OR2C1: variants seen among roughly 807,000 people sequenced by gnomAD.
OR2C1 encodes the protein olfactory receptor 2C1.
For missense variants in OR2C1, 468 were observed against 388.3 expected (o/e 1.21, Z -1.73); for synonymous variants, 209 against 167.3 (o/e 1.25, Z -1.92).
chr16:3,337,956 G>A, the OR2C1 span, among the ~76,000 whole-genome samples: 1 of 152,120 alleles, frequency 6.6e-6, no homozygotes, highest in African/African-American at 2.4e-5. Flanking sequence ...CTCCCCACAA[G>A]CTGCCCCCAA....
At chr16:3,340,185 G>A in the OR2C1 span, among the ~76,000 whole-genome samples, 867 of 151,990 alleles carry the variant, frequency 5.7e-3, 6 homozygotes, top group African/African-American at 0.019. Flanking sequence ...AGGCTGAGGT[G>A]GGAGAATTGC....
chr16:3,356,121 T>C lies in OR2C1; in HGVS notation c.181T>C (p.Phe61Leu). ...GGCCCGGCTCCATACACCCATGTAC[T>C]TCTTCCTCAGCAACCTCTCCTCCTT... ...LEARLHTPMY[F>L]FLSNLSSLDL... Residue 61 changes from phenylalanine to leucine, a missense_variant, in exon 1 of 1, where the codon TTC becomes CTC. Transcript: ENST00000304936. 6.2e-7 allele frequency: 1 copy of C among 1,614,194 alleles called. No individual in the cohort carries two copies. The highest frequency in any genetic ancestry group is 8.5e-7 in the Non-Finnish European group (1 of 1,180,040).
chr16:3,335,340 T>C, the OR2C1 span, among the ~76,000 whole-genome samples: 1 of 152,170 alleles, frequency 6.6e-6, no homozygotes, highest in African/African-American at 2.4e-5. Flanking sequence ...TTTTGGTGTG[T>C]ATGCTCTTCA....
chr16:3,323,002 C>A, the OR2C1 span: 1 of 859,370 alleles, frequency 1.2e-6, no homozygotes, highest in Non-Finnish European at 1.4e-6. Flanking sequence ...TGGAACTGGA[C>A]TGTGATGAGA....
At chr16:3,329,210 A>G in the OR2C1 span, among the ~76,000 whole-genome samples, 1 of 150,718 alleles carries the variant, frequency 6.6e-6, no homozygotes, top group African/African-American at 2.4e-5. Context: ...ACACACACAC[A>G]CACAGCTTAG....
chr16:3,349,182 A>C, the OR2C1 span, among the ~76,000 whole-genome samples: 1 of 152,148 alleles, frequency 6.6e-6, no homozygotes, highest in African/African-American at 2.4e-5. Flanking sequence ...CCTTGAAAAG[A>C]ATAAAGTCAT....
downstream of OR2C1, among the ~76,000 whole-genome samples, chr16:3,358,044 C>G (rs1341380911): frequency 6.6e-6 from 1 of 151,964 alleles, no homozygotes; most frequent in Admixed American, 6.6e-5. Context: ...ATCCATATAT[C>G]TCTCCATCAT....
the OR2C1 span, among the ~76,000 whole-genome samples, chr16:3,327,240 T>A: frequency 6.6e-6 from 1 of 152,270 alleles, no homozygotes; most frequent in Admixed American, 6.5e-5. Context: ...CCCTCCAGTT[T>A]TTTTATTTTT....
At chr16:3,336,677 T>TTG in the OR2C1 span, among the ~76,000 whole-genome samples, 1 of 143,206 alleles carries the variant, frequency 7.0e-6, no homozygotes, top group African/African-American at 2.5e-5. Context: ...TCTTTTTCTT[T>TTG]TTTTTTTTTT....
the OR2C1 span, among the ~76,000 whole-genome samples, chr16:3,330,542 G>A: frequency 3.0e-4 from 46 of 152,070 alleles, no homozygotes; most frequent in African/African-American, 1.1e-3. Flanking sequence ...AAGCCAAAGA[G>A]TTTTACATAG....
At position 3,356,537 on chromosome 16, in the gene OR2C1, C is replaced by G; in HGVS notation, c.597C>G (p.Leu199=). The G allele has an allele frequency of 6.2e-7, 1 of 1,614,170 alleles. No individual in the cohort carries two copies. The highest frequency in any genetic ancestry group is 8.5e-7 in the Non-Finnish European group (1 of 1,180,044). ...ACACAAGTCTCAACCAGGCTGTGCT[C>G]AATGGTGTCTGCACCTTCTTCACTG... ...CGDTSLNQAV[L]NGVCTFFTAV... The change falls in exon 1 of 1, where the codon CTC becomes CTG. Residue 199 remains leucine (L), a synonymous_variant. Transcript: ENST00000304936.
upstream of OR2C1, among the ~76,000 whole-genome samples, chr16:3,353,627 C>G (rs1332608106): frequency 6.6e-6 from 1 of 151,982 alleles, no homozygotes; most frequent in South Asian, 2.1e-4. Context: ...ATGGTGAAAC[C>G]CCGCCTCTAC....
At chr16:3,350,334 C>A in the OR2C1 span, among the ~76,000 whole-genome samples, 7 of 151,734 alleles carry the variant, frequency 4.6e-5, no homozygotes, top group Non-Finnish European at 7.4e-5. Flanking sequence ...AGATTACAGG[C>A]GTGAGCCACC....
At chr16:3,355,772 A>C (rs944097923), upstream of OR2C1, 1 of 602,542 alleles carries the variant, frequency 1.7e-6, no homozygotes, top group Non-Finnish European at 2.9e-6. Flanking sequence ...ACAGTGAGAG[A>C]CTCTGTCTCA....
At chr16:3,329,551 G>A in the OR2C1 span, among the ~76,000 whole-genome samples, 3 of 151,334 alleles carry the variant, frequency 2.0e-5, no homozygotes, top group East Asian at 5.8e-4. Flanking sequence ...CCAGGTTCAT[G>A]CCATTCTCCT....
chr16:3,352,744 T>C (rs1164370181), upstream of OR2C1, among the ~76,000 whole-genome samples: 3 of 149,336 alleles, frequency 2.0e-5, no homozygotes, highest in Non-Finnish European at 4.5e-5. Flanking sequence ...CTTTCTTTTT[T>C]TTTTTTTTTT....
the OR2C1 span, among the ~76,000 whole-genome samples, chr16:3,332,153 C>T: frequency 6.6e-6 from 1 of 150,724 alleles, no homozygotes; most frequent in African/African-American, 2.4e-5. Flanking sequence ...GTGCAGCGCA[C>T]CAGCATGGCA....
chr16:3,342,491 G>C, the OR2C1 span, among the ~76,000 whole-genome samples: 1 of 152,172 alleles, frequency 6.6e-6, no homozygotes, highest in East Asian at 1.9e-4. Context: ...GCCAATGTGG[G>C]TGGATCACTT....
At chr16:3,354,398 C>T (rs2030626429), upstream of OR2C1, among the ~76,000 whole-genome samples, 3 of 152,150 alleles carry the variant, frequency 2.0e-5, no homozygotes, top group African/African-American at 4.8e-5. Context: ...TTATGAATAC[C>T]CATTAACTAT....
Sources: allele counts gnomAD v4.1 joint callset (sites outside exome capture counted in the v4.1 genomes callset), GRCh38; gene constraint gnomAD v4.1.1; transcripts MANE v1.5; gene names NCBI Gene and HGNC (gene_info 2026-07-23, HGNC 2026-07-21).